Variants in DERL1 observed in about 807,000 individuals in gnomAD.
DERL1 encodes derlin-1.
A neutral mutation model predicts 41.6 loss-of-function variants in DERL1; 24 were observed. The ratio of observed to expected loss-of-function variants is 0.58; its 90% CI spans 0.42 to 0.81. DERL1 has a LOEUF of 0.81. Ranked by LOEUF, DERL1 falls within the 30% of genes least tolerant of loss-of-function variation. The probability of loss-of-function intolerance (pLI) is 0.00; values close to 1 mark genes in which losing one functional copy is unlikely to be tolerated. For missense variants in DERL1, 260 were observed against 314.3 expected, an observed-to-expected ratio of 0.83 and a Z score of 1.31; for synonymous variants, 124 against 112.5, an observed-to-expected ratio of 1.10 and a Z score of -0.65.
Position 123,042,191 on chromosome 8 carries a change from G to T in DERL1, c.-69C>A. 6.7e-7 allele frequency: 1 copy of T among 1,494,386 alleles called. No individual in the cohort carries two copies. The allele number at this position is 1,494,386 out of a possible 1,614,324, so 92.6% of individuals were successfully genotyped here. A position where few individuals can be genotyped will look rare whatever the true frequency, so the allele number is the denominator to read the frequency against. On this transcript the variant is annotated 5_prime_UTR_variant, in exon 1 of 8. Coordinates refer to ENST00000259512, the MANE Select transcript of DERL1 (RefSeq NM_024295.6). ...CCCGTGCCGACCCCCTCACGACGCG[G>T]CCGGCTCCGCGACTGTTAGGTGTCT...
At chr8:123,041,463 T>C (rs541808874) in intron 1 of DERL1, among the ~76,000 whole-genome samples, 2 of 152,186 alleles carry the variant, frequency 1.3e-5, no homozygotes, top group African/African-American at 4.8e-5. Flanking sequence ...TAGAGGGAAA[T>C]GCAGAACAAT....
At chr8:123,022,541 T>C (rs1812584935) in intron 5 of DERL1, 143 bp downstream of exon 5, 3 of 695,432 alleles carry the variant, frequency 4.3e-6, no homozygotes, top group Non-Finnish European at 7.4e-6. Flanking sequence ...AGAGCTGGGA[T>C]TGAGGAGGGC....
intron 4 of DERL1, among the ~76,000 whole-genome samples, chr8:123,023,510 A>G (rs1001391393): frequency 6.6e-6 from 1 of 152,124 alleles, no homozygotes; most frequent in South Asian, 2.1e-4. Context: ...AGCCAAGATC[A>G]AGCCACTGCA....
intron 2 of DERL1, among the ~76,000 whole-genome samples, chr8:123,027,086 A>G (rs538330050): frequency 1.3e-5 from 2 of 152,172 alleles, no homozygotes; most frequent in East Asian, 1.9e-4. Context: ...ACTTGAGGTC[A>G]GGAGTTTGAG....
Position 123,013,355 on chromosome 8 carries a change from C to T in DERL1, c.*2092G>A, listed in dbSNP as rs911537410. The T allele has an allele frequency of 6.6e-6, 1 of 152,152 alleles. No homozygotes were observed. The highest frequency in any genetic ancestry group is 1.5e-5 in the Non-Finnish European group (1 of 68,032). The allele number at this position is 152,152 out of a possible 1,614,324, so 9.4% of individuals were successfully genotyped here. On this transcript the variant is annotated 3_prime_UTR_variant, in exon 8 of 8. Coordinates refer to ENST00000259512, the MANE Select transcript of DERL1 (RefSeq NM_024295.6). Reference sequence around the variant, plus strand: ...CTTAACACAGACAACCTTCAAGTTGCACATTTTAATTTACAATTTTTACCA... The same window carrying T: ...CTTAACACAGACAACCTTCAAGTTGTACATTTTAATTTACAATTTTTACCA...
chr8:123,026,754 T>C (rs1812702314), intron 2 of DERL1, among the ~76,000 whole-genome samples: 1 of 131,690 alleles, frequency 7.6e-6, no homozygotes, highest in African/African-American at 2.8e-5. Context: ...ATAGCAGCTA[T>C]TATTCACAAT....
rs1813093751 is a variant in DERL1, at chr8:123,042,116, CCGA to C, written c.4_6del (p.Ser2del). On this transcript the variant is annotated inframe_deletion, in exon 1 of 8. Coordinates refer to ENST00000259512, the MANE Select transcript of DERL1 (RefSeq NM_024295.6). ...ATGCTCCTGAACCAGTCTCCGATGT[CCGA>C]CATCTTCGACCCACAGGTAGCCAAG... 3 of 1,607,418 alleles carry C rather than the reference CCGA, an allele frequency of 1.9e-6. No homozygotes were observed. The highest frequency in any genetic ancestry group is 2.6e-6 in the Non-Finnish European group (3 of 1,175,576).
chr8:123,040,791 T>C (rs1208660061), intron 1 of DERL1, among the ~76,000 whole-genome samples: 1 of 152,184 alleles, frequency 6.6e-6, no homozygotes, highest in Non-Finnish European at 1.5e-5. Context: ...AAATAAAAGA[T>C]GACTCCGACA....
rs1016475742 is a variant in DERL1, at chr8:123,013,371, A to AT, written c.*2075dup. ...TTCAAGTTGCACATTTTAATTTACA[A>AT]TTTTTACCAATAAAAAGGATTAGTT... On this transcript the variant is annotated 3_prime_UTR_variant, in exon 8 of 8. Transcript: ENST00000259512. 10 of 152,304 alleles carry AT rather than the reference A, an allele frequency of 6.6e-5. No individual in the cohort carries two copies. The highest frequency in any genetic ancestry group is 2.4e-4 in the African/African-American group (10 of 41,570). The allele number at this position is 152,304 out of a possible 1,614,324, so 9.4% of individuals were successfully genotyped here.
intron 7 of DERL1, 79 bp from the exon 8 acceptor site, chr8:123,015,664 A>G (rs1814548909): frequency 6.7e-7 from 1 of 1,482,856 alleles, no homozygotes; most frequent in South Asian, 1.4e-5. Context: ...CTCCGAGAAC[A>G]CCTCCCTCTC....
intron 7 of DERL1, chr8:123,015,906 G>A: frequency 5.1e-6 from 1 of 197,464 alleles, no homozygotes; most frequent in East Asian, 1.2e-4. Context: ...CACAAGCCCA[G>A]CAACCAAAGA....
rs964812687 is a variant in DERL1 at position 123,015,218 on chromosome 8, T to G, written c.*229A>C. ...CAAAAAATGTAGTCAGTTTTGCAAT[T>G]TGCACAGTTGGTATTTGTTCTTCAC... On this transcript the variant is annotated 3_prime_UTR_variant, in exon 8 of 8. Coordinates refer to ENST00000259512, the MANE Select transcript of DERL1 (RefSeq NM_024295.6). 2.0e-6 allele frequency: 1 copy of G among 502,416 alleles called. No homozygotes were observed. The highest frequency in any genetic ancestry group is 2.0e-5 in the African/African-American group (1 of 50,870). 31.1% of individuals were successfully genotyped at this position (502,416 alleles called of 1,614,324 possible). A position where few individuals can be genotyped will look rare whatever the true frequency, so the allele number is the denominator to read the frequency against.
chr8:123,019,590 T>C (rs1586458742), intron 6 of DERL1, among the ~76,000 whole-genome samples: 1 of 152,236 alleles, frequency 6.6e-6, no homozygotes, highest in African/African-American at 2.4e-5. Flanking sequence ...TTTTTGCTAC[T>C]TCCTGCCTCA....
At chr8:123,038,970 T>C (rs1812989161) in intron 1 of DERL1, among the ~76,000 whole-genome samples, 2 of 151,996 alleles carry the variant, frequency 1.3e-5, no homozygotes, top group Non-Finnish European at 2.9e-5. Context: ...CAGCCCCCAC[T>C]CCCAACCCAG....
intron 1 of DERL1, among the ~76,000 whole-genome samples, chr8:123,038,505 G>A (rs962929157): frequency 2.0e-5 from 3 of 152,202 alleles, no homozygotes; most frequent in Non-Finnish European, 2.9e-5. Flanking sequence ...ATACAGGGAA[G>A]ATGACAAAAT....
chr8:123,016,476 G>A (rs1035647500), intron 7 of DERL1: 4 of 152,198 alleles, frequency 2.6e-5, no homozygotes, highest in African/African-American at 9.7e-5. Flanking sequence ...ACCCTGAAGA[G>A]GACAGGCTTT....
At chr8:123,022,189 G>T (rs1268753035) in intron 5 of DERL1, among the ~76,000 whole-genome samples, 1 of 152,204 alleles carries the variant, frequency 6.6e-6, no homozygotes. Flanking sequence ...TTCTAGGCAG[G>T]AGATTCAGGA....
At chr8:123,015,762 G>C in intron 7 of DERL1, 177 bp from the exon 8 acceptor site, 1 of 615,334 alleles carries the variant, frequency 1.6e-6, no homozygotes, top group Non-Finnish European at 2.5e-6. Context: ...CCCATGACCT[G>C]ACCACAGACG....
intron 1 of DERL1, among the ~76,000 whole-genome samples, chr8:123,037,702 C>T (rs1479395657): frequency 6.6e-6 from 1 of 152,162 alleles, no homozygotes; most frequent in Non-Finnish European, 1.5e-5. Context: ...AACAAAACAG[C>T]TTAGAACTAT....
Sources: allele counts gnomAD v4.1 joint callset (sites outside exome capture counted in the v4.1 genomes callset), GRCh38; gene constraint gnomAD v4.1.1; transcripts MANE v1.5; gene names NCBI Gene and HGNC (gene_info 2026-07-23, HGNC 2026-07-21).